The following GABRG1 variants were observed in gnomAD, a reference collection of about 807,000 sequenced individuals.
The protein encoded by GABRG1 is gamma-aminobutyric acid type A receptor subunit gamma1, also known as gamma-aminobutyric acid receptor subunit gamma-1.
A neutral mutation model predicts 49.8 loss-of-function variants in GABRG1; 49 were observed. That is an observed-to-expected ratio of 0.98 (90% CI 0.78 to 1.25). The LOEUF is 1.25. GABRG1 is among the 50% of genes most tolerant of loss of function. GABRG1 has a pLI of 0.00. For missense variants in GABRG1, 552 were observed against 552.3 expected, an observed-to-expected ratio of 1.00 and a Z score of 0.01; for synonymous variants, 232 against 185.1, an observed-to-expected ratio of 1.25 and a Z score of -2.06.
intron 5 of GABRG1, among the ~76,000 whole-genome samples, chr4:46,060,639 T>C (rs1038144938): frequency 1.3e-5 from 2 of 152,202 alleles, no homozygotes; most frequent in Non-Finnish European, 2.9e-5. Context: ...TATCCATGTA[T>C]TTTGCACTAG....
At chr4:46,114,161 GA>G (rs1275441457) in intron 1 of GABRG1, among the ~76,000 whole-genome samples, 1 of 150,930 alleles carries the variant, frequency 6.6e-6, no homozygotes, top group Non-Finnish European at 1.5e-5. Context: ...AAAAGCTATA[GA>G]AAAGCAAAAT....
intron 1 of GABRG1, 112 bp downstream of exon 1, chr4:46,123,698 T>C: frequency 2.9e-6 from 2 of 694,972 alleles, no homozygotes; most frequent in Non-Finnish European, 5.0e-6. Flanking sequence ...ACCACATATG[T>C]GTTAGGAAAT....
At chr4:46,046,095 T>G (rs1717988013) in intron 8 of GABRG1, among the ~76,000 whole-genome samples, 1 of 152,140 alleles carries the variant, frequency 6.6e-6, no homozygotes, top group Non-Finnish European at 1.5e-5. Flanking sequence ...ATTTTCTTTA[T>G]TTGTACATTT....
In GABRG1 at chr4:46,097,190, C is replaced by T. The variant is rs1265153385; in HGVS notation, c.253+11G>A. On this transcript the variant is annotated intron_variant, in intron 2 of 8. Coordinates refer to ENST00000295452, the MANE Select transcript of GABRG1 (RefSeq NM_173536.4). ...GGTCATCAAAATCCCAGAATGGTAA[C>T]TCAAGCTTACCTCCTATATCTGGAC... 5.7e-6 allele frequency: 9 copies of T among 1,592,634 alleles called. 1 individual carries two copies. Among genetic ancestry groups the T allele is most frequent in the Middle Eastern group, 3.4e-4 (2 of 5,930 alleles).
chr4:46,121,309 GGA>G (rs1249170189), intron 1 of GABRG1, among the ~76,000 whole-genome samples: 1 of 151,782 alleles, frequency 6.6e-6, no homozygotes, highest in Non-Finnish European at 1.5e-5. Context: ...AAAGGGAAAG[GGA>G]GAGAGAAATA....
At chr4:46,116,135 C>T (rs1169592056) in intron 1 of GABRG1, among the ~76,000 whole-genome samples, 1 of 150,862 alleles carries the variant, frequency 6.6e-6, no homozygotes, top group Non-Finnish European at 1.5e-5. Context: ...TTCCTCAAAG[C>T]AGAGTGTAGA....
chr4:46,079,519 G>A (rs1233185886), intron 3 of GABRG1, among the ~76,000 whole-genome samples: 1 of 151,870 alleles, frequency 6.6e-6, no homozygotes, highest in Admixed American at 6.6e-5. Flanking sequence ...GATCTAAGTA[G>A]TTTTTATTAG....
chr4:46,081,411 G>A (rs1206768042), intron 3 of GABRG1, among the ~76,000 whole-genome samples: 2 of 151,784 alleles, frequency 1.3e-5, no homozygotes, highest in African/African-American at 2.4e-5. Context: ...CTTATGGCAT[G>A]GCTAGAATGC....
intron 3 of GABRG1, among the ~76,000 whole-genome samples, chr4:46,072,204 G>A (rs1719155413): frequency 6.6e-6 from 1 of 152,012 alleles, no homozygotes; most frequent in South Asian, 2.1e-4. Context: ...AGAAGCATTG[G>A]GCTATATGAT....
At position 46,036,857 on chromosome 4, in the gene GABRG1, CT is replaced by C. The variant is rs1276058826; in HGVS notation, c.*4130del. On this transcript the variant is annotated 3_prime_UTR_variant, in exon 9 of 9. Coordinates refer to ENST00000295452, the MANE Select transcript of GABRG1 (RefSeq NM_173536.4). ...ACTTTTTATGACTTCGTAATTTCCC[CT>C]AGCCTCCTGAAGTCCACATTCGTAC... 7 of 151,960 alleles carry C rather than the reference CT, an allele frequency of 4.6e-5. No individual in the cohort carries two copies. The highest frequency in any genetic ancestry group is 9.7e-5 in the African/African-American group (4 of 41,434). 9.4% of individuals were successfully genotyped at this position (151,960 alleles called of 1,614,324 possible).
At chr4:46,079,341 T>A (rs1460869647) in intron 3 of GABRG1, among the ~76,000 whole-genome samples, 1 of 151,958 alleles carries the variant, frequency 6.6e-6, no homozygotes, top group Non-Finnish European at 1.5e-5. Context: ...TCCTCAGCCC[T>A]GTCTCCGTTA....
intron 1 of GABRG1, among the ~76,000 whole-genome samples, chr4:46,117,578 C>CTGTGTCTCTCTTTCTG (rs773826499): frequency 7.0e-6 from 1 of 143,398 alleles, no homozygotes; most frequent in African/African-American, 2.6e-5. Context: ...CTCTCTCTCT[C>CTGTGTCTCTCTTTCTG]TCTGTCTCTC....
intron 5 of GABRG1, among the ~76,000 whole-genome samples, chr4:46,059,761 A>G (rs569220400): frequency 6.6e-6 from 1 of 152,158 alleles, no homozygotes; most frequent in Non-Finnish European, 1.5e-5. Context: ...ACATGAATGC[A>G]TATTCTCATT....
chr4:46,118,244 ATCT>A (rs1720992109), intron 1 of GABRG1, among the ~76,000 whole-genome samples: 1 of 79,360 alleles, frequency 1.3e-5, no homozygotes, highest in African/African-American at 8.0e-5. Context: ...TTACATATAG[ATCT>A]ATCTATCTAT....
Position 46,110,565 on chromosome 4 carries a change from G to A in GABRG1, c.105-13216C>T, listed in dbSNP as rs951854064. Among the ~76,000 whole-genome samples the A allele has an allele frequency of 3.3e-5, 5 of 150,886 alleles. No homozygotes were observed. The Admixed American group carries it at 3.3e-4, about 10-fold the overall frequency. On this transcript the variant is annotated intron_variant, in intron 1 of 8. Transcript: ENST00000295452. ...AAGACAATGAAAAAAGAAAACTACA[G>A]GCAAATATCCTTGATGAACATAGAT...
At chr4:46,113,021 C>A (rs769432370) in intron 1 of GABRG1, among the ~76,000 whole-genome samples, 1 of 151,068 alleles carries the variant, frequency 6.6e-6, no homozygotes, top group Non-Finnish European at 1.5e-5. Context: ...ATCTCCCCAA[C>A]CCTCACTTGG....
Position 46,052,667 on chromosome 4 carries a change from T to A in GABRG1, c.917-1029A>T, listed in dbSNP as rs1324629951. On this transcript the variant is annotated intron_variant, in intron 7 of 8. Coordinates refer to ENST00000295452, the MANE Select transcript of GABRG1 (RefSeq NM_173536.4). The stretch of plus-strand genomic sequence containing the variant: ...CCTAAACTTTCATAATCCTCATTCG[T>A]TTTCCCAGTAAATATGGCCCCATGA... Among the ~76,000 whole-genome samples, 6 of 151,900 alleles carry A rather than the reference T, an allele frequency of 3.9e-5. No homozygotes were observed. The East Asian group carries it at 1.2e-3, about 29-fold the overall frequency.
At chr4:46,061,351 C>CA (rs576716081) in intron 5 of GABRG1, among the ~76,000 whole-genome samples, 159 of 146,986 alleles carry the variant, frequency 1.1e-3, no homozygotes, top group Non-Finnish European at 1.7e-3. Context: ...TAATAAAAGG[C>CA]AAAAAAAAAT....
intron 7 of GABRG1, among the ~76,000 whole-genome samples, chr4:46,056,645 G>A (rs894774882): frequency 1.3e-5 from 2 of 151,942 alleles, no homozygotes; most frequent in Non-Finnish European, 1.5e-5. Context: ...CCATAAACAC[G>A]AAGTTTTAAA....
Sources: gnomAD v4.1 joint callset for allele counts (sites outside exome capture counted in the v4.1 genomes callset) on GRCh38, gnomAD v4.1.1 for gene constraint, MANE v1.5 for transcripts, NCBI Gene and HGNC (gene_info 2026-07-23, HGNC 2026-07-21) for gene names.